RARB: variants seen among roughly 807,000 people sequenced by gnomAD.
RARB encodes the protein retinoic acid receptor beta.
A neutral mutation model predicts 51.9 loss-of-function variants in RARB; 17 were observed. That is an observed-to-expected ratio of 0.33 (90% CI 0.22 to 0.49). The LOEUF is 0.49. RARB is among the 20% of genes least tolerant of loss of function. The pLI is 0.99. For synonymous variants in RARB, 215 were observed against 195.4 expected, an observed-to-expected ratio of 1.10 and a Z score of -0.84; for missense variants, 369 against 550.8, an observed-to-expected ratio of 0.67 and a Z score of 3.30.
intron 1 of RARB, among the ~76,000 whole-genome samples, chr3:24,834,320 A>C (rs112658342): frequency 6.6e-6 from 1 of 152,260 alleles, no homozygotes; most frequent in African/African-American, 2.4e-5. Flanking sequence ...TTAAATAATC[A>C]TAATCTTGAA....
rs75980108 is a variant in RARB, at chr3:25,162,257, C to A, written c.-279-11862C>A. On this transcript the variant is annotated intron_variant, in intron 4 of 11. Coordinates refer to the RARB transcript ENST00000383772. ...TAGCTAAGACTATAGGCAAGCACCA[C>A]CATGCCTGGCTAAATTTTTTATTTT... Among the ~76,000 whole-genome samples, 67 of 152,224 alleles carry A rather than the reference C, an allele frequency of 4.4e-4. 1 individual carries two copies. The East Asian group carries it at 0.012, about 28-fold the overall frequency.
chr3:25,115,380 A>G (rs1699668698), intron 3 of RARB, among the ~76,000 whole-genome samples: 1 of 152,214 alleles, frequency 6.6e-6, no homozygotes, highest in Non-Finnish European at 1.5e-5. Context: ...CATCTATAAC[A>G]TTCAGTTAGA....
chr3:25,456,694 G>T lies in RARB; in HGVS notation c.158-4499G>T, dbSNP rs866140747. On this transcript the variant is annotated intron_variant, in intron 1 of 7. Transcript: ENST00000330688. ...ATATATATATATATAGAGAGAGAGA[G>T]AGAGAGAGAGAGAGAGAGAGAGAGT... Among the ~76,000 whole-genome samples the T allele has an allele frequency of 3.4e-3, 484 of 143,406 alleles. 2 individuals carry two copies. The highest frequency in any genetic ancestry group is 0.013 in the East Asian group (60 of 4,602). 94.1% of individuals were successfully genotyped at this position (143,406 alleles called of 152,430 possible).
At chr3:24,967,278 G>A (rs1359760359) in intron 2 of RARB, among the ~76,000 whole-genome samples, 1 of 152,082 alleles carries the variant, frequency 6.6e-6, no homozygotes, top group Non-Finnish European at 1.5e-5. Context: ...TTCCCTGAAA[G>A]CATCTGTCTC....
intron 5 of RARB, among the ~76,000 whole-genome samples, chr3:25,181,141 TTGTC>T (rs1700852535): frequency 6.6e-6 from 1 of 152,090 alleles, no homozygotes; most frequent in African/African-American, 2.4e-5. Flanking sequence ...TTAAAGCACT[TTGTC>T]TGTCTTTAAG....
Position 24,941,113 on chromosome 3 carries a change from G to A in RARB, c.-380+82361G>A, listed in dbSNP as rs372406319. ...ATACTTTAATTTAGAATGGGGATGA[G>A]GTAAAGGAAAGGGGTTCCACTTTTG... On this transcript the variant is annotated intron_variant, in intron 2 of 11. Coordinates refer to the RARB transcript ENST00000383772. 1.0e-3 allele frequency among the ~76,000 whole-genome samples: 152 copies of A among 152,090 alleles called. 3 individuals are homozygous for A. The South Asian group carries it at 0.029, about 29-fold the overall frequency.
chr3:24,874,801 T>A (rs1453814749), intron 2 of RARB, among the ~76,000 whole-genome samples: 2 of 152,038 alleles, frequency 1.3e-5, no homozygotes, highest in African/African-American at 2.4e-5. Flanking sequence ...ATTGTTTATA[T>A]TTTATATTTG....
At chr3:25,294,153 A>C (rs1433493563) in intron 5 of RARB, among the ~76,000 whole-genome samples, 1 of 152,232 alleles carries the variant, frequency 6.6e-6, no homozygotes, top group Non-Finnish European at 1.5e-5. Context: ...AAGGATCAGC[A>C]TAATCAAAAA....
intron 5 of RARB, among the ~76,000 whole-genome samples, chr3:25,359,071 G>C (rs1705841663): frequency 6.6e-6 from 1 of 151,880 alleles, no homozygotes; most frequent in African/African-American, 2.4e-5. Flanking sequence ...CTTCCTCTTT[G>C]TACCTCTGGT....
At chr3:25,435,228 T>G (rs1369396960) in intron 1 of RARB, among the ~76,000 whole-genome samples, 1 of 152,150 alleles carries the variant, frequency 6.6e-6, no homozygotes, top group Non-Finnish European at 1.5e-5. Flanking sequence ...TTACTATTCA[T>G]CACAGAATAA....
At chr3:25,412,647 T>C (rs1213643234) in intron 5 of RARB, among the ~76,000 whole-genome samples, 1 of 152,348 alleles carries the variant, frequency 6.6e-6, no homozygotes, top group East Asian at 1.9e-4. Flanking sequence ...TAGAAAGGAA[T>C]ACATAAATCA....
chr3:25,186,884 C>CTT (rs1559497305), intron 5 of RARB, among the ~76,000 whole-genome samples: 1 of 58,820 alleles, frequency 1.7e-5, no homozygotes, highest in East Asian at 6.7e-4. Flanking sequence ...AAAAGGTAAG[C>CTT]CTGTGTGTGT....
intron 3 of RARB, among the ~76,000 whole-genome samples, chr3:25,558,321 A>G (rs1199354878): frequency 1.3e-5 from 2 of 152,144 alleles, no homozygotes; most frequent in African/African-American, 4.8e-5. Flanking sequence ...CTCCATTGCC[A>G]AAACCAATGA....
intron 5 of RARB, among the ~76,000 whole-genome samples, chr3:25,408,478 T>A (rs1707474015): frequency 6.6e-6 from 1 of 151,990 alleles, no homozygotes; most frequent in Non-Finnish European, 1.5e-5. Flanking sequence ...AAGGGGGAAA[T>A]CCACCCCTAT....
At chr3:25,413,299 T>G (rs1707615469) in intron 5 of RARB, among the ~76,000 whole-genome samples, 3 of 152,344 alleles carry the variant, frequency 2.0e-5, no homozygotes, top group Non-Finnish European at 4.4e-5. Flanking sequence ...CTATTGCACA[T>G]GGTTCAAGTT....
At chr3:25,385,553 C>T (rs1272362756) in intron 5 of RARB, among the ~76,000 whole-genome samples, 2 of 152,126 alleles carry the variant, frequency 1.3e-5, no homozygotes, top group African/African-American at 2.4e-5. Flanking sequence ...CCTCAGTTTC[C>T]CCTACCACGA....
chr3:25,064,750 C>G (rs939160994), intron 3 of RARB, among the ~76,000 whole-genome samples: 3 of 152,126 alleles, frequency 2.0e-5, no homozygotes, highest in Admixed American at 1.3e-4. Context: ...TCTCTCTGTT[C>G]CACTAGACTC....
At chr3:25,493,324 T>C in intron 2 of RARB, among the ~76,000 whole-genome samples, 1 of 152,320 alleles carries the variant, frequency 6.6e-6, no homozygotes, top group African/African-American at 2.4e-5. Context: ...CGCATAGACT[T>C]CCACTCTCTC....
At chr3:25,003,193 G>GGAAAAA (rs1697203000) in intron 2 of RARB, among the ~76,000 whole-genome samples, 1 of 129,276 alleles carries the variant, frequency 7.7e-6, no homozygotes, top group African/African-American at 3.5e-5. Context: ...AGATCATAAT[G>GGAAAAA]CAAAAAAAAA....
Sources: allele counts gnomAD v4.1 joint callset (sites outside exome capture counted in the v4.1 genomes callset), GRCh38; gene constraint gnomAD v4.1.1; transcripts MANE v1.5; gene names NCBI Gene and HGNC (gene_info 2026-07-23, HGNC 2026-07-21).